The following CAST variants were observed in gnomAD, a reference collection of about 807,000 sequenced individuals.
CAST encodes calpastatin.
In CAST, 76 loss-of-function variants were observed where a neutral mutation model predicts 119.6. That is an observed-to-expected ratio of 0.64 (90% CI 0.53 to 0.77). The LOEUF is 0.77. CAST is among the 30% of genes least tolerant of loss of function. CAST has a pLI of 0.00. For synonymous variants in CAST, 319 were observed against 331.6 expected, an observed-to-expected ratio of 0.96 and a Z score of 0.41; for missense variants, 953 against 946.5, an observed-to-expected ratio of 1.01 and a Z score of -0.09.
rs1461748098 is a variant in CAST, at chr5:96,741,257, T to C, written c.919-9T>C. On this transcript the variant is annotated splice_polypyrimidine_tract_variant and intron_variant, in intron 13 of 31. Coordinates refer to ENST00000675179, the MANE Select transcript of CAST (RefSeq NM_001750.7). ...CGTAAGTTACCCATCACTGTGCCTGTTTCTTTAGAAACCCATAGGGCCAGA... is the reference window on the plus strand; with the variant it reads ...CGTAAGTTACCCATCACTGTGCCTGCTTCTTTAGAAACCCATAGGGCCAGA... 1.3e-6 allele frequency: 2 copies of C among 1,571,392 alleles called. No homozygotes were observed. The highest frequency in any genetic ancestry group is 1.7e-5 in the Admixed American group (1 of 59,390).
At chr5:95,961,767 C>T in the CAST span, 1 of 1,542,944 alleles carries the variant, frequency 6.5e-7, no homozygotes, top group Non-Finnish European at 8.7e-7. Flanking sequence ...CCGGCTCTAG[C>T]CTCCACTGCG....
chr5:96,624,234 G>A (rs1043636591), intron 1 of CAST, among the ~76,000 whole-genome samples: 1 of 152,162 alleles, frequency 6.6e-6, no homozygotes, highest in South Asian at 2.1e-4. Context: ...GTTTGCTTTT[G>A]GTTTTGTCTA....
At chr5:96,387,060 G>T in the CAST span, among the ~76,000 whole-genome samples, 1 of 152,172 alleles carries the variant, frequency 6.6e-6, no homozygotes, top group South Asian at 2.1e-4. Context: ...TGCATAAGAG[G>T]TAGACTTCAT....
At chr5:96,218,629 ACT>A in the CAST span, among the ~76,000 whole-genome samples, 1 of 151,596 alleles carries the variant, frequency 6.6e-6, no homozygotes, top group African/African-American at 2.4e-5. Flanking sequence ...TGAACTCAGC[ACT>A]CTTTTATATT....
At chr5:96,345,480 T>A in the CAST span, among the ~76,000 whole-genome samples, 1 of 152,220 alleles carries the variant, frequency 6.6e-6, no homozygotes, top group African/African-American at 2.4e-5. Context: ...ATCTGTCCTT[T>A]CACTTTCTAC....
the CAST span, among the ~76,000 whole-genome samples, chr5:96,471,033 A>G: frequency 6.6e-6 from 1 of 152,060 alleles, no homozygotes; most frequent in East Asian, 1.9e-4. Context: ...CATTCCTTAC[A>G]ATAGTCCTGC....
chr5:96,663,842 T>G (rs887549440), intron 1 of CAST, among the ~76,000 whole-genome samples: 1 of 151,944 alleles, frequency 6.6e-6, no homozygotes, highest in Non-Finnish European at 1.5e-5. Flanking sequence ...TTTGGTGCAT[T>G]GAATGTTTGT....
chr5:96,376,141 A>G, the CAST span, among the ~76,000 whole-genome samples: 1 of 151,106 alleles, frequency 6.6e-6, no homozygotes, highest in African/African-American at 2.4e-5. Flanking sequence ...CAGTCATATA[A>G]TGCATAACAA....
the CAST span, among the ~76,000 whole-genome samples, chr5:96,428,036 G>A: frequency 7.2e-5 from 11 of 151,774 alleles, no homozygotes; most frequent in Admixed American, 1.3e-4. Context: ...GTCACTGTCC[G>A]TGGTCCTAAT....
chr5:96,499,876 G>A, the CAST span, among the ~76,000 whole-genome samples: 35 of 152,214 alleles, frequency 2.3e-4, 1 homozygote, highest in Admixed American at 1.2e-3. Context: ...ATCATTTCTA[G>A]CTTTTGATTT....
At chr5:96,701,053 G>A (rs530958766) in intron 3 of CAST, among the ~76,000 whole-genome samples, 9 of 152,012 alleles carry the variant, frequency 5.9e-5, no homozygotes, top group African/African-American at 2.2e-4. Flanking sequence ...GAAGCCTCCC[G>A]AGTAGCTGGG....
chr5:96,552,867 T>A (rs1411678590), intron 1 of CAST, among the ~76,000 whole-genome samples: 1 of 152,162 alleles, frequency 6.6e-6, no homozygotes, highest in East Asian at 1.9e-4. Context: ...GAGGAAGAAG[T>A]TGAACCTCTG....
the CAST span, among the ~76,000 whole-genome samples, chr5:96,083,739 T>A: frequency 6.6e-6 from 1 of 152,226 alleles, no homozygotes; most frequent in African/African-American, 2.4e-5. Flanking sequence ...ATTTTTGACA[T>A]GTGGGGACTA....
intron 2 of CAST, among the ~76,000 whole-genome samples, chr5:96,676,331 T>A (rs1750706350): frequency 6.6e-6 from 1 of 152,220 alleles, no homozygotes; most frequent in Non-Finnish European, 1.5e-5. Context: ...TATAGCCAGA[T>A]TTTAAAAGGT....
intron 11 of CAST, among the ~76,000 whole-genome samples, chr5:96,738,743 G>A (rs1326498961): frequency 2.6e-5 from 4 of 152,024 alleles, no homozygotes; most frequent in Non-Finnish European, 5.9e-5. Flanking sequence ...GACCAGCCTA[G>A]CCAACATGGT....
chr5:96,605,196 G>A (rs964428694), intron 1 of CAST, among the ~76,000 whole-genome samples: 1 of 152,276 alleles, frequency 6.6e-6, no homozygotes, highest in Non-Finnish European at 1.5e-5. Flanking sequence ...GAACATTCAG[G>A]TAGAGCTGTC....
chr5:96,679,976 A>G (rs532812412), intron 2 of CAST, among the ~76,000 whole-genome samples: 74 of 152,244 alleles, frequency 4.9e-4, no homozygotes, highest in Admixed American at 1.4e-3. Context: ...ATATATGCCA[A>G]TTTTAGTACT....
the CAST span, among the ~76,000 whole-genome samples, chr5:96,020,816 T>TCCCCCAC: frequency 4.5e-4 from 36 of 80,888 alleles, no homozygotes; most frequent in Middle Eastern, 0.013. Flanking sequence ...CCCCAAACCA[T>TCCCCCAC]CCCCCACCCC....
chr5:96,708,216 C>T (rs1320978573), intron 3 of CAST, among the ~76,000 whole-genome samples: 1 of 152,126 alleles, frequency 6.6e-6, no homozygotes, highest in Non-Finnish European at 1.5e-5. Context: ...AAAGTTGTGT[C>T]AGGTTTAGAG....
Sources: allele counts gnomAD v4.1 joint callset (sites outside exome capture counted in the v4.1 genomes callset), GRCh38; gene constraint gnomAD v4.1.1; transcripts MANE v1.5; gene names NCBI Gene and HGNC (gene_info 2026-07-23, HGNC 2026-07-21).